ZNF721: variants seen among roughly 807,000 people sequenced by gnomAD.
The protein encoded by ZNF721 is zinc finger protein 721.
In ZNF721, 2 loss-of-function variants were observed where a neutral mutation model predicts 2.4. That is an observed-to-expected ratio of 0.82 (90% confidence interval 0.34 to 2.58). The LOEUF (loss-of-function observed/expected upper bound fraction) is 2.58. Among genes scored for constraint, ZNF721 ranks in the 30% most tolerant of loss-of-function variants. The pLI is 0.11. For synonymous variants in ZNF721, 398 were observed against 381.8 expected, an observed-to-expected ratio of 1.04 and a Z score of -0.50; for missense variants, 1,187 against 1,085.5, an observed-to-expected ratio of 1.09 and a Z score of -1.31.
At position 474,298 on chromosome 4, in the gene ZNF721, AATG is replaced by A. The variant is rs532804839; in HGVS notation, c.-93-1600_-93-1598del. On this transcript the variant is annotated intron_variant, in intron 1 of 2. Transcript: ENST00000511833. ...GAAATTGTGACCATACAATGCACTG[AATG>A]AGGCAAGAGTGACAGACTAGTACCT... 3.4e-4 allele frequency: 107 copies of A among 317,684 alleles called. 2 individuals carry two copies. The highest frequency in any genetic ancestry group is 2.1e-3 in the South Asian group (84 of 40,390). The allele number at this position is 317,684 out of a possible 1,614,324, so 19.7% of individuals were successfully genotyped here.
Position 443,875 on chromosome 4 carries a change from G to A in ZNF721, c.592C>T (p.Arg198Cys), listed in dbSNP as rs782011031. 35 of 1,613,592 alleles carry A rather than the reference G, an allele frequency of 2.2e-5. No homozygotes were observed. The Admixed American group carries it at 4.7e-4, about 22-fold the overall frequency. The change falls in exon 3 of 3, where the codon CGT becomes TGT. Residue 198 changes from arginine to cysteine, a missense_variant. Transcript: ENST00000511833. Reference protein sequence around the residue: ...NREKAYTGEDRDRAFGWSTNL... With the variant: ...NREKAYTGEDCDRAFGWSTNL... ...GTGGACCATCCAAAGGCTCTGTCACGATCTTCACCTGTGTAAGCTTTCTCT... is the reference window on the plus strand; with the variant it reads ...GTGGACCATCCAAAGGCTCTGTCACAATCTTCACCTGTGTAAGCTTTCTCT...
At chr4:466,591 AT>A (rs1309368317) in intron 2 of ZNF721, among the ~76,000 whole-genome samples, 2 of 152,150 alleles carry the variant, frequency 1.3e-5, no homozygotes, top group Admixed American at 6.6e-5. Context: ...TGAATGAGGG[AT>A]TTTTTTCTTT....
At position 441,808 on chromosome 4, in the gene ZNF721, G is replaced by A; in HGVS notation, c.2659C>T (p.His887Tyr). The change falls in exon 3 of 3, where the codon CAT (histidine) becomes TAT (tyrosine). Residue 887 changes from histidine (H) to tyrosine (Y), a missense_variant. By Grantham distance (83) the His-to-Tyr change is moderately conservative (BLOSUM62 2). Coordinates refer to ENST00000511833, the MANE Select transcript of ZNF721 (RefSeq NM_133474.4). ...CACGTGTAGGGTTTCTCTCCAGTAT[G>A]AATTTTCTTATGCGCATAAAGATTT... ...SANLYAHKKI[H>Y]TGEKPYTCGD... 4 of 1,613,984 alleles carry A rather than the reference G, an allele frequency of 2.5e-6. No individual in the cohort carries two copies. The highest frequency in any genetic ancestry group is 3.4e-6 in the Non-Finnish European group (4 of 1,179,960).
chr4:474,822 G>C (rs1715583365), intron 1 of ZNF721, among the ~76,000 whole-genome samples: 1 of 152,138 alleles, frequency 6.6e-6, no homozygotes, highest in Admixed American at 6.5e-5. Context: ...GTTGCAGTGA[G>C]CTGAGATCGC....
At chr4:454,621 A>G (rs1207669852) in intron 2 of ZNF721, among the ~76,000 whole-genome samples, 1 of 152,140 alleles carries the variant, frequency 6.6e-6, no homozygotes, top group Non-Finnish European at 1.5e-5. Context: ...CTGTATCTGT[A>G]ATCTATATCA....
At chr4:476,382 C>T (rs1232101271) in intron 1 of ZNF721, among the ~76,000 whole-genome samples, 1 of 152,162 alleles carries the variant, frequency 6.6e-6, no homozygotes, top group Non-Finnish European at 1.5e-5. Context: ...CTGAACTTAC[C>T]TCCTGAATTC....
At position 456,923 on chromosome 4, in the gene ZNF721, A is replaced by G. The variant is rs1714867179; in HGVS notation, c.35-12491T>C. ...AAATAAATGATGGAGGAGAACCTAC[A>G]TGAAAACACTCCCCAGTAAAATAGA... On this transcript the variant is annotated intron_variant, in intron 2 of 2. Transcript: ENST00000511833. Among the ~76,000 whole-genome samples the G allele has an allele frequency of 5.9e-5, 9 of 152,272 alleles. No individual in the cohort carries two copies. The South Asian group carries it at 1.5e-3, about 25-fold the overall frequency.
At chr4:489,236 T>C (rs1441272434) in intron 1 of ZNF721, among the ~76,000 whole-genome samples, 1 of 152,106 alleles carries the variant, frequency 6.6e-6, no homozygotes, top group Non-Finnish European at 1.5e-5. Context: ...TCCAACACCC[T>C]TAGGGGAGAA....
chr4:445,024 GC>G (rs1714428308), intron 2 of ZNF721, among the ~76,000 whole-genome samples: 3 of 127,392 alleles, frequency 2.4e-5, no homozygotes, highest in Non-Finnish European at 4.7e-5. Context: ...TCACTCTGTC[GC>G]CCAGGCTGGA....
At chr4:470,925 A>T (rs1715412414) in intron 2 of ZNF721, among the ~76,000 whole-genome samples, 1 of 151,786 alleles carries the variant, frequency 6.6e-6, no homozygotes, top group South Asian at 2.1e-4. Context: ...GCTTGAACCC[A>T]GGAGGCGGAG....
chr4:455,687 C>T (rs782688803), intron 2 of ZNF721, among the ~76,000 whole-genome samples: 18 of 151,654 alleles, frequency 1.2e-4, no homozygotes, highest in Admixed American at 7.2e-4. Context: ...GTCAAAATTA[C>T]AGAAACAGTA....
In ZNF721 at chr4:499,132, T is replaced by C. The variant is rs1716542270; in HGVS notation, c.-170A>G. 1 of 587,216 alleles carries C rather than the reference T, an allele frequency of 1.7e-6. No individual in the cohort carries two copies. The highest frequency in any genetic ancestry group is 2.9e-6 in the Non-Finnish European group (1 of 343,948). The allele number at this position is 587,216 out of a possible 1,614,324, so 36.4% of individuals were successfully genotyped here. ...AGCCGGGAACACCGCCCGCTGTTCG[T>C]ATGTCCGAGGTGACGCCCCGCTGTG... On this transcript the variant is annotated 5_prime_UTR_variant, in exon 1 of 3. The change creates a new upstream start codon in the 5' untranslated region. Coordinates refer to ENST00000511833, the MANE Select transcript of ZNF721 (RefSeq NM_133474.4).
intron 2 of ZNF721, among the ~76,000 whole-genome samples, chr4:460,768 T>G (rs113412598): frequency 0.044 from 6,702 of 151,696 alleles, 471 homozygotes; most frequent in African/African-American, 0.15. Context: ...AAAGGGGATA[T>G]CAACACTGAT....
intron 2 of ZNF721, among the ~76,000 whole-genome samples, chr4:448,803 T>C (rs1407973323): frequency 1.3e-5 from 2 of 152,230 alleles, no homozygotes; most frequent in Non-Finnish European, 1.5e-5. Flanking sequence ...TGAAGAGTTT[T>C]AGACACTCAT....
Position 442,401 on chromosome 4 carries a change from T to G in ZNF721, c.2066A>C (p.Lys689Thr), listed in dbSNP as rs78869802. 196 of 1,611,904 alleles carry G rather than the reference T, an allele frequency of 1.2e-4. 1 individual carries two copies. Among genetic ancestry groups the G allele is most frequent in the Non-Finnish European group, 1.6e-4 (190 of 1,179,310 alleles). Residue 689 changes from lysine to threonine, a missense_variant, in exon 3 of 3, where the codon AAA (lysine) becomes ACA (threonine). Transcript: ENST00000511833. ...GTAAGGTTTTTCTCCAGTATGAATT[T>G]TCTTGTGTTGATTCAGGGCTATGGA... Reference protein sequence around the residue: ...GWSIALNQHKKIHTGEKPYKC... With the variant: ...GWSIALNQHKTIHTGEKPYKC...
At chr4:460,305 T>C (rs947771157) in intron 2 of ZNF721, among the ~76,000 whole-genome samples, 5 of 152,106 alleles carry the variant, frequency 3.3e-5, no homozygotes, top group African/African-American at 9.7e-5. Context: ...CACAACTACA[T>C]GGAAACTGAA....
At chr4:491,651 A>G (rs1405425064) in intron 1 of ZNF721, among the ~76,000 whole-genome samples, 8 of 152,200 alleles carry the variant, frequency 5.3e-5, no homozygotes, top group African/African-American at 1.9e-4. Flanking sequence ...TCCAGACAAG[A>G]CACATCCTTC....
chr4:443,870 G>C lies in ZNF721; in HGVS notation c.597C>G (p.Asp199Glu). Residue 199 changes from aspartate to glutamate, a missense_variant, in exon 3 of 3, where the codon GAC becomes GAG. Asp to Glu is a conservative substitution (Grantham distance 45, BLOSUM62 2). Transcript: ENST00000511833. The part of the protein sequence containing the change: ...REKAYTGEDR[D>E]RAFGWSTNLN... ...GGTTTGTGGACCATCCAAAGGCTCT[G>C]TCACGATCTTCACCTGTGTAAGCTT... is the stretch of plus-strand genomic sequence containing the variant. 2 of 1,613,912 alleles carry C rather than the reference G, an allele frequency of 1.2e-6. No individual in the cohort carries two copies. Among genetic ancestry groups the C allele is most frequent in the Non-Finnish European group, 1.7e-6 (2 of 1,179,892 alleles).
intron 2 of ZNF721, among the ~76,000 whole-genome samples, chr4:448,442 C>CCA (rs1560227598): frequency 8.1e-6 from 1 of 123,102 alleles, no homozygotes; most frequent in Admixed American, 8.2e-5. Context: ...TATCCCCCCC[C>CCA]AAAAAAAAAA....
Sources: gnomAD v4.1 joint callset for allele counts (sites outside exome capture counted in the v4.1 genomes callset) on GRCh38, gnomAD v4.1.1 for gene constraint, MANE v1.5 for transcripts, NCBI Gene and HGNC (gene_info 2026-07-23, HGNC 2026-07-21) for gene names.